Variants in WNT9B observed in about 807,000 individuals in gnomAD.
The protein encoded by WNT9B is Wnt family member 9B.
Under a neutral mutation model 30.2 loss-of-function variants are expected in WNT9B, and 12 were observed. That is an observed-to-expected ratio of 0.40 (90% confidence interval 0.26 to 0.64). The LOEUF (loss-of-function observed/expected upper bound fraction) is 0.64. Ranked by LOEUF, WNT9B falls within the 30% of genes least tolerant of loss-of-function variation. The pLI, the probability that WNT9B is intolerant of heterozygous loss-of-function variation, is 0.42. For missense variants in WNT9B, 442 were observed against 485.2 expected, an observed-to-expected ratio of 0.91 and a Z score of 0.84; for synonymous variants, 218 against 216.9, an observed-to-expected ratio of 1.01 and a Z score of -0.05.
At chr17:46,850,405 T>C (rs1004017877), upstream of WNT9B, among the ~76,000 whole-genome samples, 1 of 152,194 alleles carries the variant, frequency 6.6e-6, no homozygotes, top group Non-Finnish European at 1.5e-5. Context: ...GGGCTTCCTC[T>C]GTTAATGCCA....
downstream of WNT9B, among the ~76,000 whole-genome samples, chr17:46,881,022 G>A (rs1053585569): frequency 5.9e-5 from 9 of 152,204 alleles, no homozygotes; most frequent in African/African-American, 1.4e-4. Flanking sequence ...ATTTACACAC[G>A]AATCCTGTGT....
rs563518523 is a variant in WNT9B, at chr17:46,857,615, A to T, written c.77+5900A>T. Among the ~76,000 whole-genome samples, 9 of 151,766 alleles carry T rather than the reference A, an allele frequency of 5.9e-5. No homozygotes were observed. The South Asian group carries it at 1.9e-3, about 32-fold the overall frequency. On this transcript the variant is annotated intron_variant, in intron 1 of 3. Coordinates refer to ENST00000290015, the MANE Select transcript of WNT9B (RefSeq NM_003396.3). ...CTCTTGGATAACTGTCTAGGAGTGG[A>T]TTGTTGGATCAGATGGTTGATATAT...
At chr17:46,851,437 C>T (rs1793452118), upstream of WNT9B, 1 of 307,364 alleles carries the variant, frequency 3.3e-6, no homozygotes, top group Admixed American at 5.1e-5. The surrounding 1 kb of genome is among the most constrained non-coding windows in gnomAD (Gnocchi z 4.3). Flanking sequence ...GCTGCCCCAC[C>T]CGCGACGGGG....
intron 1 of WNT9B, among the ~76,000 whole-genome samples, chr17:46,856,866 A>G (rs1429166055): frequency 6.6e-6 from 1 of 152,212 alleles, no homozygotes; most frequent in Non-Finnish European, 1.5e-5. Flanking sequence ...TCCAATGACT[A>G]CATAGAACAT....
At chr17:46,860,819 G>A (rs532838117) in intron 1 of WNT9B, among the ~76,000 whole-genome samples, 1 of 152,290 alleles carries the variant, frequency 6.6e-6, no homozygotes, top group South Asian at 2.1e-4. Context: ...AACCCAGGAG[G>A]TAGGTGCTGA....
chr17:46,864,538 G>A (rs574618209), intron 1 of WNT9B, among the ~76,000 whole-genome samples: 1 of 152,304 alleles, frequency 6.6e-6, no homozygotes, highest in East Asian at 1.9e-4. Flanking sequence ...CCTTTAAACA[G>A]AGGGTCTTTC....
intron 1 of WNT9B, among the ~76,000 whole-genome samples, chr17:46,839,943 TC>T (rs1270086812): frequency 6.7e-6 from 1 of 149,708 alleles, no homozygotes; most frequent in African/African-American, 2.5e-5. Context: ...TTTCTTTCTT[TC>T]TTTCTTTCTT....
chr17:46,851,597 G>A lies in WNT9B; in HGVS notation c.-42G>A. ...GGTGGTGGCGGAGCTGCGAGCTTGA[G>A]CGGCGCGAGGAGATGCTAGAGGGCG... is the stretch of plus-strand genomic sequence containing the variant. On this transcript the variant is annotated 5_prime_UTR_variant, in exon 1 of 4. Transcript: ENST00000290015. The surrounding 1 kb of genome is among the most constrained non-coding windows in gnomAD (Gnocchi z 4.3). 2.6e-6 allele frequency: 3 copies of A among 1,164,842 alleles called. No individual in the cohort carries two copies. Among genetic ancestry groups the A allele is most frequent in the Non-Finnish European group, 3.2e-6 (3 of 925,008 alleles). 72.2% of individuals were successfully genotyped at this position (1,164,842 alleles called of 1,614,324 possible).
intron 1 of WNT9B, among the ~76,000 whole-genome samples, chr17:46,835,091 G>A (rs2084611093): frequency 6.6e-6 from 1 of 152,250 alleles, no homozygotes; most frequent in Admixed American, 6.5e-5. Context: ...ATCTCCTGGG[G>A]TCAAGTGATC....
chr17:46,843,670 T>G (rs1363625095), intron 1 of WNT9B, among the ~76,000 whole-genome samples: 1 of 152,248 alleles, frequency 6.6e-6, no homozygotes, highest in African/African-American at 2.4e-5. Flanking sequence ...GTTACTTGAC[T>G]TCTCTGTGCC....
upstream of WNT9B, among the ~76,000 whole-genome samples, chr17:46,850,466 A>G (rs2084827573): frequency 6.6e-6 from 1 of 152,164 alleles, no homozygotes; most frequent in African/African-American, 2.4e-5. Context: ...CACCTCTCTC[A>G]GCCCCCTACC....
intron 1 of WNT9B, among the ~76,000 whole-genome samples, chr17:46,861,046 G>A (rs915184027): frequency 1.3e-5 from 2 of 152,102 alleles, no homozygotes; most frequent in Admixed American, 1.3e-4. Context: ...TTATAGGTGT[G>A]CGTGTTGGGG....
intron 1 of WNT9B, among the ~76,000 whole-genome samples, chr17:46,861,444 C>A (rs2085036127): frequency 6.6e-6 from 1 of 152,196 alleles, no homozygotes; most frequent in South Asian, 2.1e-4. Context: ...GTCCCATTCA[C>A]TCCTTCATCT....
chr17:46,851,157 T>C (rs1392185941), upstream of WNT9B, among the ~76,000 whole-genome samples: 1 of 151,786 alleles, frequency 6.6e-6, no homozygotes, highest in Non-Finnish European at 1.5e-5. The surrounding 1 kb of genome is among the most constrained non-coding windows in gnomAD (Gnocchi z 4.3). Context: ...GGGCGGACAA[T>C]GACCCGGGTT....
downstream of WNT9B, chr17:46,884,982 T>C: frequency 7.0e-6 from 3 of 429,614 alleles, no homozygotes; most frequent in Non-Finnish European, 1.4e-5. Flanking sequence ...GCTCCCTCTT[T>C]TATATTTCCT....
intron 1 of WNT9B, among the ~76,000 whole-genome samples, chr17:46,868,798 T>C (rs2085187451): frequency 6.6e-6 from 1 of 152,164 alleles, no homozygotes; most frequent in African/African-American, 2.4e-5. Context: ...GTATGACTTC[T>C]TCCAGGGGAT....
At position 46,877,102 on chromosome 17, in the gene WNT9B, GGAGGTGAACT is replaced by G. The variant is rs1357316472; in HGVS notation, c.*386_*395del. On this transcript the variant is annotated 3_prime_UTR_variant, in exon 4 of 4. Transcript: ENST00000290015. ...ATGGCTTGGAGCCAGCATGTTCTTG[GGAGGTGAACT>G]GCTGGGCTAGGAATGCCAAGGCAGG... 1.9e-6 allele frequency: 2 copies of G among 1,035,074 alleles called. No individual in the cohort carries two copies. The highest frequency in any genetic ancestry group is 2.3e-6 in the Non-Finnish European group (2 of 862,228). 64.1% of individuals were successfully genotyped at this position (1,035,074 alleles called of 1,614,324 possible). A position where few individuals can be genotyped will look rare whatever the true frequency, so the allele number is the denominator to read the frequency against.
At chr17:46,835,338 A>G (rs1375914657) in intron 1 of WNT9B, among the ~76,000 whole-genome samples, 1 of 151,998 alleles carries the variant, frequency 6.6e-6, no homozygotes, top group Non-Finnish European at 1.5e-5. Flanking sequence ...CAGCCTCCCG[A>G]GTAGCTGGGA....
At chr17:46,884,380 C>T (rs903877771), downstream of WNT9B, among the ~76,000 whole-genome samples, 14 of 152,218 alleles carry the variant, frequency 9.2e-5, no homozygotes, top group Non-Finnish European at 1.8e-4. Context: ...CCGCCCCACA[C>T]CCAGCCCCCT....
Sources: gnomAD v4.1 joint callset for allele counts (sites outside exome capture counted in the v4.1 genomes callset) on GRCh38, gnomAD v4.1.1 for gene constraint, Gnocchi (gnomAD v3.1) non-coding constraint, MANE v1.5 for transcripts, NCBI Gene and HGNC (gene_info 2026-07-23, HGNC 2026-07-21) for gene names.